Variants in DNAH11 observed in about 807,000 individuals in gnomAD.
The protein encoded by DNAH11 is axonemal beta dynein heavy chain 11.
Under a neutral mutation model 526.0 loss-of-function variants are expected in DNAH11, and 442 were observed. The observed-to-expected ratio is 0.84, with a 90% CI of 0.78 to 0.91. The LOEUF (loss-of-function observed/expected upper bound fraction) is 0.91, where lower values mean the gene tolerates loss of function less well. Among genes scored for constraint, DNAH11 ranks in the 40% least tolerant of loss-of-function variants. DNAH11 has a pLI of 0.00. For synonymous variants in DNAH11, 2,461 were observed against 1,935.9 expected, an observed-to-expected ratio of 1.27 and a Z score of -7.12; for missense variants, 6,989 against 5,448.7, an observed-to-expected ratio of 1.28 and a Z score of -8.90.
At chr7:21,845,912 A>T (rs1462466517) in intron 66 of DNAH11, among the ~76,000 whole-genome samples, 28 of 152,130 alleles carry the variant, frequency 1.8e-4, no homozygotes, top group Admixed American at 1.8e-3. Flanking sequence ...GATTTCTTTC[A>T]TCAGAGATTT....
At chr7:21,868,683 C>T (rs529623042) in intron 72 of DNAH11, among the ~76,000 whole-genome samples, 181 bp from the exon 73 acceptor site, 2 of 152,292 alleles carry the variant, frequency 1.3e-5, no homozygotes, top group South Asian at 4.1e-4. Flanking sequence ...TGCAATGAGG[C>T]AGCTGTGGAG....
At chr7:21,852,327 A>T in intron 66 of DNAH11, 140 bp from the exon 67 acceptor site, 1 of 755,426 alleles carries the variant, frequency 1.3e-6, no homozygotes, top group East Asian at 3.0e-5. Flanking sequence ...GAATCGCTTT[A>T]ACCCAGGAGG....
At chr7:21,746,151 T>C (rs539627832) in intron 51 of DNAH11, among the ~76,000 whole-genome samples, 1 of 152,326 alleles carries the variant, frequency 6.6e-6, no homozygotes, top group East Asian at 1.9e-4. Context: ...CTAAACAGCT[T>C]AACATTGCCA....
intron 76 of DNAH11, among the ~76,000 whole-genome samples, chr7:21,891,740 T>C (rs931553007): frequency 2.6e-5 from 4 of 152,172 alleles, no homozygotes; most frequent in African/African-American, 7.2e-5. Context: ...TGTATTGAGC[T>C]CTCAGGGTCT....
intron 25 of DNAH11, among the ~76,000 whole-genome samples, chr7:21,621,002 G>T (rs567283002): frequency 4.3e-4 from 66 of 152,088 alleles, no homozygotes; most frequent in Non-Finnish European, 9.0e-4. Context: ...CTTTGCTGTT[G>T]TGAATAGTGC....
chr7:21,879,344 C>G (rs1783828839), intron 74 of DNAH11, among the ~76,000 whole-genome samples: 4 of 152,154 alleles, frequency 2.6e-5, no homozygotes, highest in Admixed American at 6.5e-5. Flanking sequence ...GTAGTCCCAG[C>G]TACTCGGGAG....
At chr7:21,883,835 A>G (rs538266775) in intron 75 of DNAH11, among the ~76,000 whole-genome samples, 36 of 152,254 alleles carry the variant, frequency 2.4e-4, no homozygotes, top group African/African-American at 8.2e-4. Flanking sequence ...GAGGCCAGGA[A>G]TTCGAGACCA....
intron 20 of DNAH11, among the ~76,000 whole-genome samples, chr7:21,611,039 T>C (rs1474632522): frequency 6.6e-6 from 1 of 152,216 alleles, no homozygotes; most frequent in Non-Finnish European, 1.5e-5. Context: ...ACATTATTTC[T>C]GGGCATGTCT....
At position 21,637,603 on chromosome 7, in the gene DNAH11, T is replaced by C. The variant is rs1786927868; in HGVS notation, c.4726-8T>C. ...ATATCCACGGCCCCGTATTGTACTT[T>C]CATGCAGGAGTTAATGTTCAAGACA... is the stretch of plus-strand genomic sequence containing the variant. On this transcript the variant is annotated splice_polypyrimidine_tract_variant and splice_region_variant and intron_variant, in intron 26 of 81. Coordinates refer to ENST00000409508, the MANE Select transcript of DNAH11 (RefSeq NM_001277115.2). The C allele has an allele frequency of 1.3e-6, 2 of 1,559,032 alleles. No individual in the cohort carries two copies. The highest frequency in any genetic ancestry group is 1.4e-5 in the African/African-American group (1 of 73,812).
intron 20 of DNAH11, among the ~76,000 whole-genome samples, chr7:21,612,820 A>T (rs1785587246): frequency 6.6e-6 from 1 of 152,220 alleles, no homozygotes; most frequent in Non-Finnish European, 1.5e-5. Context: ...TTTATAAACA[A>T]GTTTTCATTT....
chr7:21,787,031 G>T (rs1487789287), intron 59 of DNAH11, among the ~76,000 whole-genome samples: 3 of 152,224 alleles, frequency 2.0e-5, no homozygotes, highest in African/African-American at 7.2e-5. Context: ...AAGCAGTTAA[G>T]TGTAGGAGGG....
intron 35 of DNAH11, among the ~76,000 whole-genome samples, chr7:21,696,120 A>G (rs1263423647): frequency 1.3e-5 from 2 of 152,196 alleles, no homozygotes; most frequent in African/African-American, 2.4e-5. Flanking sequence ...TGTGTGCTCA[A>G]TACTATTCAG....
At position 21,661,770 on chromosome 7, in the gene DNAH11, G is replaced by A. The variant is rs1016464221; in HGVS notation, c.5328+2739G>A. The stretch of plus-strand genomic sequence containing the variant: ...CATCTGCAAAACACGGACAATGACA[G>A]TACTTGCATCGTAGGATCATTAGAA... On this transcript the variant is annotated intron_variant, in intron 30 of 81. Coordinates refer to ENST00000409508, the MANE Select transcript of DNAH11 (RefSeq NM_001277115.2). Among the ~76,000 whole-genome samples the A allele has an allele frequency of 3.3e-5, 5 of 152,116 alleles. No individual in the cohort carries two copies. In the East Asian group the frequency reaches 9.6e-4, roughly 29 times the overall value.
At chr7:21,747,362 A>C (rs1786193425) in intron 51 of DNAH11, among the ~76,000 whole-genome samples, 1 of 152,194 alleles carries the variant, frequency 6.6e-6, no homozygotes. Flanking sequence ...TAGTTTTTTC[A>C]AAAAGCACTA....
chr7:21,662,821 A>T (rs999933391), intron 30 of DNAH11, among the ~76,000 whole-genome samples: 2 of 152,138 alleles, frequency 1.3e-5, no homozygotes, highest in African/African-American at 4.8e-5. Context: ...TTTTTCATTT[A>T]AAATTTTTTT....
At chr7:21,673,654 T>A (rs1300172826) in intron 30 of DNAH11, among the ~76,000 whole-genome samples, 1 of 152,118 alleles carries the variant, frequency 6.6e-6, no homozygotes, top group Non-Finnish European at 1.5e-5. Context: ...CTCATTCCCA[T>A]CAGTAATTAA....
chr7:21,608,581 A>G (rs537993145), intron 20 of DNAH11, among the ~76,000 whole-genome samples: 22 of 152,324 alleles, frequency 1.4e-4, no homozygotes, highest in African/African-American at 5.1e-4. Flanking sequence ...TGCCTCTTTC[A>G]CTTGGCAGAA....
Position 21,591,275 on chromosome 7 carries a change from C to G in DNAH11, c.2365C>G (p.Leu789Val). The change falls in exon 14 of 82, where the codon CTG becomes GTG. Residue 789 changes from leucine to valine, a missense_variant. By Grantham distance (32) the Leu-to-Val change is conservative. Transcript: ENST00000409508. ...EVEYPLIEDELRAIDEQLTAA... is the reference protein window; with the variant it reads ...EVEYPLIEDEVRAIDEQLTAA... ...TGAATACCCTCTGATTGAAGATGAG[C>G]TGAGGGCTATTGACGAGCAGCTGAC... 6.2e-7 allele frequency: 1 copy of G among 1,612,236 alleles called. No homozygotes were observed. Among genetic ancestry groups the G allele is most frequent in the Admixed American group, 1.7e-5 (1 of 59,846 alleles).
chr7:21,877,578 C>G (rs931792356), intron 74 of DNAH11, among the ~76,000 whole-genome samples: 1 of 152,092 alleles, frequency 6.6e-6, no homozygotes, highest in Non-Finnish European at 1.5e-5. Flanking sequence ...CGCCTTTCAG[C>G]TAAAGAGCCT....
Sources: allele counts gnomAD v4.1 joint callset (sites outside exome capture counted in the v4.1 genomes callset), GRCh38; gene constraint gnomAD v4.1.1; transcripts MANE v1.5; gene names NCBI Gene and HGNC (gene_info 2026-07-23, HGNC 2026-07-21).